Variants in DYNC1I1 observed in about 807,000 individuals in gnomAD.
DYNC1I1 encodes dynein cytoplasmic 1 intermediate chain 1, also known as cytoplasmic dynein 1 intermediate chain 1.
A neutral mutation model predicts 86.6 loss-of-function variants in DYNC1I1; 43 were observed. That is an observed-to-expected ratio of 0.50 (90% CI 0.39 to 0.64). DYNC1I1 has a LOEUF of 0.64. Ranked by LOEUF, DYNC1I1 falls within the 30% of genes least tolerant of loss-of-function variation. The probability of loss-of-function intolerance (pLI) is 0.00; values close to 1 mark genes in which losing one functional copy is unlikely to be tolerated. For missense variants in DYNC1I1, 604 were observed against 788.8 expected (o/e 0.77, Z 2.81); for synonymous variants, 262 against 283.7 (o/e 0.92, Z 0.77).
chr7:96,109,257 C>A (rs377593359), intron 16 of DYNC1I1, among the ~76,000 whole-genome samples: 9 of 151,636 alleles, frequency 5.9e-5, no homozygotes, highest in African/African-American at 2.2e-4. Flanking sequence ...TACGTATACA[C>A]AATGTGCAGG....
At chr7:95,860,542 C>T (rs934032451) in intron 5 of DYNC1I1, among the ~76,000 whole-genome samples, 1 of 152,168 alleles carries the variant, frequency 6.6e-6, no homozygotes, top group Non-Finnish European at 1.5e-5. Context: ...TGAAGATACT[C>T]TTTTATTCCT....
intron 5 of DYNC1I1, among the ~76,000 whole-genome samples, chr7:95,840,073 A>G (rs1254874592): frequency 2.8e-5 from 1 of 35,098 alleles, no homozygotes. Flanking sequence ...ATTATCTTAT[A>G]TGGTGTTCTT....
intron 7 of DYNC1I1, among the ~76,000 whole-genome samples, chr7:95,982,266 T>A (rs143303083): frequency 6.6e-6 from 1 of 152,344 alleles, no homozygotes; most frequent in African/African-American, 2.4e-5. Context: ...TGTCATTTGA[T>A]CCCTGTTTGA....
At chr7:95,930,797 A>G (rs56342316) in intron 6 of DYNC1I1, among the ~76,000 whole-genome samples, 69,985 of 152,058 alleles carry the variant, frequency 0.46, 17,084 homozygotes, top group Middle Eastern at 0.53. Context: ...TAAAAAAAAT[A>G]TTTAAAAAGG....
At chr7:95,919,921 G>A (rs974001883) in intron 6 of DYNC1I1, among the ~76,000 whole-genome samples, 2 of 152,178 alleles carry the variant, frequency 1.3e-5, no homozygotes, top group African/African-American at 2.4e-5. Flanking sequence ...TAAAGTAAAC[G>A]TAAATGATGT....
chr7:95,787,814 A>G (rs1794189409), intron 1 of DYNC1I1, among the ~76,000 whole-genome samples: 1 of 152,214 alleles, frequency 6.6e-6, no homozygotes, highest in Non-Finnish European at 1.5e-5. Context: ...CAATGCAGGG[A>G]CAGTGGGTGG....
intron 16 of DYNC1I1, among the ~76,000 whole-genome samples, chr7:96,105,503 ATCATT>A (rs1446517550): frequency 6.6e-6 from 1 of 152,150 alleles, no homozygotes; most frequent in African/African-American, 2.4e-5. Flanking sequence ...TTGAAATAAA[ATCATT>A]TGGTCAACAT....
intron 6 of DYNC1I1, among the ~76,000 whole-genome samples, chr7:95,961,833 G>A (rs184465709): frequency 2.1e-3 from 316 of 152,234 alleles, no homozygotes; most frequent in African/African-American, 5.1e-3. Flanking sequence ...CTCTCACTGC[G>A]CCATCAAAAC....
Position 96,018,077 on chromosome 7 carries a change from A to G in DYNC1I1, c.970-10098A>G, listed in dbSNP as rs535713005. Among the ~76,000 whole-genome samples the G allele has an allele frequency of 3.3e-5, 5 of 152,296 alleles. No individual in the cohort carries two copies. The South Asian group carries it at 1.0e-3, about 32-fold the overall frequency. ...GCTGAGTGAGGTGAGCGATCTCTAC[A>G]CCAGCAGCAGAAACCCAACTGGAGA... On this transcript the variant is annotated intron_variant, in intron 10 of 16. Transcript: ENST00000447467.
chr7:96,033,991 C>T (rs571299413), intron 12 of DYNC1I1, among the ~76,000 whole-genome samples: 30 of 152,066 alleles, frequency 2.0e-4, no homozygotes, highest in African/African-American at 6.5e-4. Context: ...GTCTGGGTGA[C>T]GGAGTGAGAC....
chr7:96,076,264 T>C (rs113983998), intron 15 of DYNC1I1, 67 bp downstream of exon 15: 2 of 1,568,838 alleles, frequency 1.3e-6, no homozygotes, highest in Non-Finnish European at 1.7e-6. Context: ...ACTCGCAGTC[T>C]CTCCCTCTTT....
At chr7:96,062,592 A>C (rs1789814456) in intron 14 of DYNC1I1, among the ~76,000 whole-genome samples, 1 of 152,170 alleles carries the variant, frequency 6.6e-6, no homozygotes, top group Non-Finnish European at 1.5e-5. Flanking sequence ...GCTTTTAAAC[A>C]GAGCCTTTGC....
chr7:95,952,215 C>T (rs1448964745), intron 6 of DYNC1I1, among the ~76,000 whole-genome samples: 3 of 152,022 alleles, frequency 2.0e-5, no homozygotes, highest in Admixed American at 6.6e-5. Flanking sequence ...CAGTCCTTCC[C>T]GCCCCAGATT....
chr7:95,930,587 A>T (rs981560673), intron 6 of DYNC1I1, among the ~76,000 whole-genome samples: 1 of 152,206 alleles, frequency 6.6e-6, no homozygotes, highest in African/African-American at 2.4e-5. Context: ...AGGTAAGCTG[A>T]AACCTCACTA....
chr7:95,892,044 T>C (rs1443895529), intron 6 of DYNC1I1, among the ~76,000 whole-genome samples: 1 of 152,178 alleles, frequency 6.6e-6, no homozygotes, highest in African/African-American at 2.4e-5. Flanking sequence ...TTCGGCTCAT[T>C]GCAACCTCTG....
In DYNC1I1 at chr7:95,780,808, A is replaced by G. The variant is rs1793972269; in HGVS notation, c.-10+8035A>G. Among the ~76,000 whole-genome samples, 3 of 152,258 alleles carry G rather than the reference A, an allele frequency of 2.0e-5. No homozygotes were observed. In the East Asian group the frequency reaches 5.8e-4, roughly 30 times the overall value. On this transcript the variant is annotated intron_variant, in intron 1 of 16. Transcript: ENST00000447467. The stretch of plus-strand genomic sequence containing the variant: ...GATGACCCTGAGACTCTGTCTCAGA[A>G]CCAACTTGTGGAATGTCAGTTGGTG...
chr7:96,033,080 A>C (rs1794849964), intron 12 of DYNC1I1, among the ~76,000 whole-genome samples: 1 of 152,220 alleles, frequency 6.6e-6, no homozygotes, highest in African/African-American at 2.4e-5. Context: ...AATTGCACTT[A>C]CCCTACAGCA....
intron 14 of DYNC1I1, among the ~76,000 whole-genome samples, chr7:96,049,534 CATCTT>C (rs1047682326): frequency 9.2e-5 from 14 of 152,116 alleles, no homozygotes; most frequent in African/African-American, 3.4e-4. Flanking sequence ...AACTTGGAGT[CATCTT>C]ATCATTTAAA....
intron 12 of DYNC1I1, among the ~76,000 whole-genome samples, chr7:96,034,858 T>A (rs538822639): frequency 3.3e-4 from 51 of 152,288 alleles, no homozygotes; most frequent in African/African-American, 1.2e-3. Context: ...AATGATTTTT[T>A]AAAAATTATT....
Sources: gnomAD v4.1 joint callset for allele counts (sites outside exome capture counted in the v4.1 genomes callset) on GRCh38, gnomAD v4.1.1 for gene constraint, MANE v1.5 for transcripts, NCBI Gene and HGNC (gene_info 2026-07-23, HGNC 2026-07-21) for gene names.